SFI1: variants seen among roughly 807,000 people sequenced by gnomAD.
SFI1 encodes the protein SFI1 centrin binding protein.
A neutral mutation model predicts 207.5 loss-of-function variants in SFI1; 195 were observed. The observed-to-expected ratio is 0.94, with a 90% CI of 0.84 to 1.06. SFI1 has a LOEUF of 1.06. SFI1 is among the 50% of genes least tolerant of loss of function. The probability of loss-of-function intolerance (pLI) is 0.00; values close to 1 mark genes in which losing one functional copy is unlikely to be tolerated. For synonymous variants in SFI1, 630 were observed against 598.9 expected, an observed-to-expected ratio of 1.05 and a Z score of -0.76; for missense variants, 1,634 against 1,588.0, an observed-to-expected ratio of 1.03 and a Z score of -0.49.
rs751156647 is a variant in SFI1, at chr22:31,561,321, G to A, written c.694G>A (p.Gly232Arg). 1.9e-6 allele frequency: 3 copies of A among 1,614,166 alleles called. No homozygotes were observed. The highest frequency in any genetic ancestry group is 2.5e-6 in the Non-Finnish European group (3 of 1,180,014). Reference protein sequence around the residue: ...VWWSTWRQRLGQVRVSRALHA... With the variant: ...VWWSTWRQRLRQVRVSRALHA... ...GTGGAGCACGTGGAGGCAGCGACTA[G>A]GACAGGTCCGTGTGAGCCGTGCCCT... The change falls in exon 8 of 33, where the codon GGA (glycine) becomes AGA (arginine). Residue 232 changes from glycine (G) to arginine (R), a missense_variant. Coordinates refer to ENST00000400288, the MANE Select transcript of SFI1 (RefSeq NM_001007467.3).
chr22:31,497,331 C>G (rs1327763159), intron 1 of SFI1: 1 of 152,206 alleles, frequency 6.6e-6, no homozygotes, highest in Non-Finnish European at 1.5e-5. Context: ...GTGCCCACTT[C>G]CTGTCACTTA....
intron 10 of SFI1, 111 bp downstream of exon 10, chr22:31,575,503 CA>C: frequency 8.7e-7 from 1 of 1,150,774 alleles, no homozygotes; most frequent in Non-Finnish European, 1.2e-6. Context: ...CCAAACGATT[CA>C]AAACAGCCTT....
intron 6 of SFI1, among the ~76,000 whole-genome samples, chr22:31,556,136 C>A (rs1480795653): frequency 6.6e-6 from 1 of 150,970 alleles, no homozygotes; most frequent in Non-Finnish European, 1.5e-5. Flanking sequence ...TGGAGTCAAA[C>A]AGCAAGTTTT....
intron 8 of SFI1, among the ~76,000 whole-genome samples, chr22:31,567,772 A>G (rs1299011564): frequency 1.3e-5 from 2 of 152,236 alleles, no homozygotes; most frequent in African/African-American, 2.4e-5. Context: ...GCAAGAGTAA[A>G]TAAAAAAACA....
chr22:31,612,053 A>G (rs7291918), intron 24 of SFI1: 384,350 of 1,342,932 alleles, frequency 0.29, 58,733 homozygotes, highest in African/African-American at 0.53. Context: ...CTTCAAGGCC[A>G]GTTTCTCTCT....
intron 8 of SFI1, among the ~76,000 whole-genome samples, chr22:31,564,320 C>T (rs753549186): frequency 1.7e-3 from 246 of 145,092 alleles, no homozygotes; most frequent in Admixed American, 3.0e-3. Flanking sequence ...GAGCAAGACT[C>T]CATCTCAAAA....
intron 4 of SFI1, among the ~76,000 whole-genome samples, chr22:31,538,070 CA>C (rs2059155042): frequency 6.6e-6 from 1 of 152,162 alleles, no homozygotes; most frequent in Non-Finnish European, 1.5e-5. Flanking sequence ...TTCCCGGGTT[CA>C]AGCAATTCTC....
intron 14 of SFI1, among the ~76,000 whole-genome samples, chr22:31,586,268 C>T (rs1210122067): frequency 6.6e-6 from 1 of 152,158 alleles, no homozygotes; most frequent in Non-Finnish European, 1.5e-5. Flanking sequence ...CACCCCTACC[C>T]CAGAGGCATA....
At position 31,594,507 on chromosome 22, in the gene SFI1, C is replaced by G. The variant is rs1293784409; in HGVS notation, c.1544+4930C>G. On this transcript the variant is annotated intron_variant, in intron 15 of 32. Transcript: ENST00000400288. ...AGGTTGCCGTGAGCTGAGATCGCAT[C>G]ATTGCACTCCAGCCTGGGTGACAGG... Among the ~76,000 whole-genome samples the G allele has an allele frequency of 2.9e-5, 4 of 138,220 alleles. No homozygotes were observed. The Admixed American group carries it at 3.2e-4, about 11-fold the overall frequency. 90.7% of individuals were successfully genotyped at this position (138,220 alleles called of 152,430 possible).
intron 17 of SFI1, 113 bp from the exon 18 acceptor site, chr22:31,603,630 CT>C: frequency 1.2e-6 from 1 of 823,416 alleles, no homozygotes; most frequent in Non-Finnish European, 1.7e-6. Flanking sequence ...CAGAGAGGGT[CT>C]TGGCTCCCCC....
chr22:31,562,609 G>T lies in SFI1; in HGVS notation c.765+1217G>T, dbSNP rs2061827723. 2.0e-5 allele frequency among the ~76,000 whole-genome samples: 3 copies of T among 150,662 alleles called. No individual in the cohort carries two copies. In the Admixed American group the frequency reaches 2.0e-4, roughly 10 times the overall value. On this transcript the variant is annotated intron_variant, in intron 8 of 32. Transcript: ENST00000400288. The stretch of plus-strand genomic sequence containing the variant: ...AACTTGAACTAGGGTCACATGTATA[G>T]TGAAGCTTAGAGCCAGGTTTTTTTA...
chr22:31,605,039 C>A, intron 20 of SFI1, 94 bp downstream of exon 20: 1 of 1,133,020 alleles, frequency 8.8e-7, no homozygotes, highest in Non-Finnish European at 1.2e-6. Context: ...AGGGCCAGGT[C>A]GGGGATGATC....
chr22:31,576,274 C>T (rs1291574331), intron 10 of SFI1, among the ~76,000 whole-genome samples: 1 of 151,762 alleles, frequency 6.6e-6, no homozygotes, highest in Middle Eastern at 3.4e-3. Flanking sequence ...ATCCACCCAC[C>T]TCAGCCTCCC....
At position 31,613,653 on chromosome 22, in the gene SFI1, CAGAA is replaced by C. The variant is rs776209391; in HGVS notation, c.2797_2800del (p.Lys933CysfsTer20). 9 of 1,605,072 alleles carry C rather than the reference CAGAA, an allele frequency of 5.6e-6. No individual in the cohort carries two copies. Among genetic ancestry groups the C allele is most frequent in the Non-Finnish European group, 5.1e-6 (6 of 1,174,568 alleles). On this transcript the variant is annotated frameshift_variant, in exon 27 of 33. Coordinates refer to ENST00000400288, the MANE Select transcript of SFI1 (RefSeq NM_001007467.3). LOFTEE classifies it high-confidence loss of function. ...CCGCCGCTGTGCCACGCTCTGGAAACAGAAAGTGCTGGGCCGGGGCGGGAAGCCT... is the reference window on the plus strand; with the variant it reads ...CCGCCGCTGTGCCACGCTCTGGAAACAGTGCTGGGCCGGGGCGGGAAGCCT...
At chr22:31,511,301 C>T (rs1455635850) in intron 2 of SFI1, among the ~76,000 whole-genome samples, 3 of 152,026 alleles carry the variant, frequency 2.0e-5, no homozygotes, top group African/African-American at 4.8e-5. Context: ...TGTTGATAGA[C>T]GTTCTCATAG....
Position 31,611,217 on chromosome 22 carries a change from A to C in SFI1, c.2329A>C (p.Arg777=). ...RSAQQRLQLE[R]AVQHHHRQLL... ...AGCCCAGCAGAGACTGCAGCTGGAG[A>C]GGGCAGTGCAACACCACCACCGGCA... Residue 777 remains arginine (R), a synonymous_variant, in exon 23 of 33, where the codon AGG becomes CGG. Coordinates refer to ENST00000400288, the MANE Select transcript of SFI1 (RefSeq NM_001007467.3). 1 of 1,613,898 alleles carries C rather than the reference A, an allele frequency of 6.2e-7. No homozygotes were observed. The highest frequency in any genetic ancestry group is 8.5e-7 in the Non-Finnish European group (1 of 1,180,004).
At chr22:31,537,077 C>T (rs2059068882) in intron 4 of SFI1, among the ~76,000 whole-genome samples, 1 of 151,904 alleles carries the variant, frequency 6.6e-6, no homozygotes, top group Non-Finnish European at 1.5e-5. Flanking sequence ...TGGAGATTGG[C>T]AGTTACTGGT....
chr22:31,569,101 A>G (rs915681283), intron 8 of SFI1, among the ~76,000 whole-genome samples: 7 of 152,206 alleles, frequency 4.6e-5, no homozygotes, highest in African/African-American at 1.7e-4. Context: ...CAGAGGGTTA[A>G]TGAGAGAGAA....
intron 15 of SFI1, among the ~76,000 whole-genome samples, chr22:31,594,307 T>C (rs1007330792): frequency 5.9e-5 from 9 of 152,208 alleles, no homozygotes; most frequent in Non-Finnish European, 1.3e-4. Flanking sequence ...CCCAGCACTT[T>C]GGGAGGCCGG....
Sources: gnomAD v4.1 joint callset for allele counts (sites outside exome capture counted in the v4.1 genomes callset) on GRCh38, gnomAD v4.1.1 for gene constraint, MANE v1.5 for transcripts, NCBI Gene and HGNC (gene_info 2026-07-23, HGNC 2026-07-21) for gene names.